Variants in ADGRG4 observed in about 807,000 individuals in gnomAD.
The protein encoded by ADGRG4 is adhesion G protein-coupled receptor G4.
ADGRG4 carries 122 observed loss-of-function variants against 126.2 expected under a neutral mutation model. That is an observed-to-expected ratio of 0.97 (90% CI 0.83 to 1.12). The LOEUF is 1.12. Ranked by LOEUF, ADGRG4 falls within the 50% of genes most tolerant of loss-of-function variation. ADGRG4 has a pLI of 0.00. For missense variants in ADGRG4, 2,481 were observed against 2,251.8 expected (o/e 1.10, Z -2.06); for synonymous variants, 943 against 838.7 (o/e 1.12, Z -2.15).
chrX:136,398,289 T>TAATC (rs1414024897), intron 20 of ADGRG4, among the ~76,000 whole-genome samples: 1 of 112,297 alleles, frequency 8.9e-6, no homozygotes, highest in Non-Finnish European at 1.9e-5. Flanking sequence ...AGAACTTCTT[T>TAATC]AATCAAAAGA....
chrX:136,410,430 G>A (rs188134102), intron 23 of ADGRG4, among the ~76,000 whole-genome samples: 2 of 111,673 alleles, frequency 1.8e-5, no homozygotes, highest in African/African-American at 6.5e-5. Flanking sequence ...CCTCAGTCAA[G>A]ATTCTTTACT....
intron 4 of ADGRG4, among the ~76,000 whole-genome samples, chrX:136,316,958 T>C (rs2074808485): frequency 9.0e-6 from 1 of 111,006 alleles, no homozygotes; most frequent in African/African-American, 3.3e-5. Flanking sequence ...GGGACAGCAC[T>C]CCATCTGCCC....
At chrX:136,390,452 G>A (rs866905598) in intron 16 of ADGRG4, among the ~76,000 whole-genome samples, 2 of 111,409 alleles carry the variant, frequency 1.8e-5, no homozygotes, top group Non-Finnish European at 3.8e-5. Flanking sequence ...GGCACTAGGC[G>A]GTTACAATAT....
At chrX:136,398,314 T>C (rs150416693) in intron 20 of ADGRG4, among the ~76,000 whole-genome samples, 7 of 112,236 alleles carry the variant, frequency 6.2e-5, no homozygotes, top group Non-Finnish European at 1.1e-4. Context: ...ATTCAGATAG[T>C]GAAAGGCAAA....
Position 136,399,886 on chromosome X carries a change from AC to A in ADGRG4, c.8347del (p.Leu2783CysfsTer6). 8.3e-7 allele frequency: 1 copy of A among 1,208,341 alleles called. No homozygotes were observed. The highest frequency in any genetic ancestry group is 1.1e-6 in the Non-Finnish European group (1 of 892,949). On this transcript the variant is annotated frameshift_variant, in exon 21 of 26. Transcript: ENST00000394143. LOFTEE classifies it high-confidence loss of function. ...RKDYPAKILI[N>X]LCTALLMLNL... is the part of the protein sequence containing the mutation. ...GATTATCCTGCCAAAATTCTGATCA[AC>A]CTGTGCACAGCACTACTGATGCTAA...
intron 18 of ADGRG4, among the ~76,000 whole-genome samples, chrX:136,394,996 G>A (rs2075338903): frequency 9.0e-6 from 1 of 111,513 alleles, no homozygotes; most frequent in Non-Finnish European, 1.9e-5. Flanking sequence ...TCAGCTGGGT[G>A]TTCAGATGTC....
chrX:136,346,730 T>C lies in ADGRG4; in HGVS notation c.3024T>C (p.Pro1008=), dbSNP rs772635422. 3.2e-5 allele frequency: 39 copies of C among 1,208,497 alleles called. No homozygotes were observed. Among genetic ancestry groups the C allele is most frequent in the Non-Finnish European group, 3.9e-5 (35 of 893,987 alleles). ...QPTAAHSSAT[P]VPVTHMFSLP... ...CAGCTGCTCATTCCTCAGCAACCCC[T>C]GTGCCTGTTACTCATATGTTCTCAT... is the stretch of plus-strand genomic sequence containing the variant. The change falls in exon 6 of 26, where the codon CCT becomes CCC. Residue 1008 remains proline (P), a synonymous_variant. Coordinates refer to ENST00000394143, the MANE Select transcript of ADGRG4 (RefSeq NM_153834.4).
chrX:136,355,045 G>C (rs1390705724), intron 8 of ADGRG4, among the ~76,000 whole-genome samples: 1 of 111,927 alleles, frequency 8.9e-6, no homozygotes, highest in Non-Finnish European at 1.9e-5. Context: ...AATCAGAAAG[G>C]TGAAGAAAGA....
chrX:136,372,892 T>C lies in ADGRG4; in HGVS notation c.7614-10T>C. Reference sequence around the variant, plus strand: ...GTAGGATGCTCTTCTCCATCTGTGGTTTCTTGCAGAATTCTGAGGATAATT... The same window carrying C: ...GTAGGATGCTCTTCTCCATCTGTGGCTTCTTGCAGAATTCTGAGGATAATT... On this transcript the variant is annotated splice_polypyrimidine_tract_variant and intron_variant, in intron 14 of 25. Transcript: ENST00000394143. The C allele has an allele frequency of 8.3e-7, 1 of 1,210,311 alleles. No homozygotes were observed. The highest frequency in any genetic ancestry group is 1.1e-6 in the Non-Finnish European group (1 of 894,089).
chrX:136,328,385 C>G (rs916730856), intron 5 of ADGRG4, among the ~76,000 whole-genome samples: 18 of 112,045 alleles, frequency 1.6e-4, no homozygotes, highest in East Asian at 5.6e-4. Flanking sequence ...ATATGGCCAG[C>G]ATAATTTCCT....
In ADGRG4 at chrX:136,395,109, TA is replaced by T. The variant is rs758777207; in HGVS notation, c.8081-273del. Reference sequence around the variant, plus strand: ...GCTTGCTTCCTATTTATTGGCTACTTAAAAAAAAGTTCATGGTTAGAGTCTG... The same window carrying T: ...GCTTGCTTCCTATTTATTGGCTACTTAAAAAAAGTTCATGGTTAGAGTCTG... On this transcript the variant is annotated intron_variant, in intron 18 of 25. Transcript: ENST00000394143. Among the ~76,000 whole-genome samples, 349 of 110,523 alleles carry T rather than the reference TA, an allele frequency of 3.2e-3. 1 individual carries two copies. The highest frequency in any genetic ancestry group is 0.011 in the African/African-American group (321 of 30,450).
chrX:136,415,402 C>T (rs1205907010), intron 25 of ADGRG4, among the ~76,000 whole-genome samples: 1 of 111,240 alleles, frequency 9.0e-6, no homozygotes, highest in Non-Finnish European at 1.9e-5. Flanking sequence ...GAGCTACATT[C>T]TTTCTACCTT....
Position 136,349,939 on chromosome X carries a change from G to C in ADGRG4, c.6233G>C (p.Gly2078Ala). The change falls in exon 6 of 26, where the codon GGT (glycine) becomes GCT (alanine). Residue 2078 changes from glycine (G) to alanine (A), a missense_variant. By Grantham distance (60) the Gly-to-Ala change is moderately conservative. Transcript: ENST00000394143. ...LTRTIPTPTL[G>A]GITTGFPTSL... Reference sequence around the variant, plus strand: ...CGAACCATTCCTACACCTACACTGGGTGGTATCACTACTGGCTTCCCAACT... The same window carrying C: ...CGAACCATTCCTACACCTACACTGGCTGGTATCACTACTGGCTTCCCAACT... 1 of 1,210,582 alleles carries C rather than the reference G, an allele frequency of 8.3e-7. No homozygotes were observed. Among genetic ancestry groups the C allele is most frequent in the Non-Finnish European group, 1.1e-6 (1 of 894,721 alleles).
At chrX:136,411,757 G>A (rs1312389619) in intron 23 of ADGRG4, among the ~76,000 whole-genome samples, 1 of 112,095 alleles carries the variant, frequency 8.9e-6, no homozygotes, top group Non-Finnish European at 1.9e-5. Context: ...GTGCTTCCAG[G>A]AAGGCTCATC....
chrX:136,338,428 A>G (rs772885700), intron 5 of ADGRG4, among the ~76,000 whole-genome samples: 1 of 111,337 alleles, frequency 9.0e-6, no homozygotes, highest in East Asian at 2.8e-4. Flanking sequence ...GATTACAGGC[A>G]TGAGCCACCA....
At chrX:136,382,586 A>G (rs1238516401) in intron 15 of ADGRG4, among the ~76,000 whole-genome samples, 1 of 111,400 alleles carries the variant, frequency 9.0e-6, no homozygotes, top group Non-Finnish European at 1.9e-5. Flanking sequence ...GGTCTGGGCC[A>G]TTTGTAGTCC....
At position 136,347,961 on chromosome X, in the gene ADGRG4, A is replaced by G; in HGVS notation, c.4255A>G (p.Thr1419Ala). 1 of 1,209,871 alleles carries G rather than the reference A, an allele frequency of 8.3e-7. No homozygotes were observed. Among genetic ancestry groups the G allele is most frequent in the South Asian group, 1.8e-5 (1 of 56,950 alleles). ...YGQDTSFVDT[T>A]TSSSTRISNP... ...CCAGGATACTTCATTTGTAGATACCACAACTTCCAGCTCAACAAGGATATC... is the reference window on the plus strand; with the variant it reads ...CCAGGATACTTCATTTGTAGATACCGCAACTTCCAGCTCAACAAGGATATC... The change falls in exon 6 of 26, where the codon ACA (threonine) becomes GCA (alanine). Residue 1419 changes from threonine (T) to alanine (A), a missense_variant. By Grantham distance (58) the Thr-to-Ala change is moderately conservative. Transcript: ENST00000394143.
intron 21 of ADGRG4, among the ~76,000 whole-genome samples, chrX:136,400,790 G>A (rs1440853891): frequency 8.9e-6 from 1 of 112,264 alleles, no homozygotes; most frequent in Non-Finnish European, 1.9e-5. Flanking sequence ...CTTGGAAGAA[G>A]CCAGGAATGG....
At chrX:136,382,887 T>C (rs1210571617) in intron 15 of ADGRG4, among the ~76,000 whole-genome samples, 2 of 110,371 alleles carry the variant, frequency 1.8e-5, no homozygotes, top group Non-Finnish European at 3.8e-5. Context: ...TTCCTCCCTC[T>C]GGAACTAAGA....
Sources: allele counts gnomAD v4.1 joint callset (sites outside exome capture counted in the v4.1 genomes callset), GRCh38; gene constraint gnomAD v4.1.1; transcripts MANE v1.5; gene names NCBI Gene and HGNC (gene_info 2026-07-23, HGNC 2026-07-21).